RPS6KA2: variants seen among roughly 807,000 people sequenced by gnomAD.
RPS6KA2 encodes the protein ribosomal protein S6 kinase alpha-2.
A neutral mutation model predicts 91.8 loss-of-function variants in RPS6KA2; 42 were observed. That is an observed-to-expected ratio of 0.46 (90% CI 0.36 to 0.59). The LOEUF (loss-of-function observed/expected upper bound fraction) is 0.59. Among genes scored for constraint, RPS6KA2 ranks in the 20% least tolerant of loss-of-function variants. RPS6KA2 has a pLI of 0.00. For synonymous variants in RPS6KA2, 414 were observed against 393.6 expected, an observed-to-expected ratio of 1.05 and a Z score of -0.61; for missense variants, 798 against 978.5, an observed-to-expected ratio of 0.82 and a Z score of 2.46.
At chr6:166,676,113 T>C (rs979972608) in intron 2 of RPS6KA2, among the ~76,000 whole-genome samples, 2 of 152,108 alleles carry the variant, frequency 1.3e-5, no homozygotes, top group Non-Finnish European at 2.9e-5. Flanking sequence ...GGTCAGGCGT[T>C]GGAGACCAGC....
chr6:166,637,087 G>A (rs145087514), intron 2 of RPS6KA2, among the ~76,000 whole-genome samples: 116 of 152,324 alleles, frequency 7.6e-4, no homozygotes, highest in African/African-American at 2.6e-3. Context: ...CTCTGTTGTT[G>A]TAGCCCAGGC....
chr6:166,805,933 C>A (rs1314294077), intron 2 of RPS6KA2, among the ~76,000 whole-genome samples: 1 of 151,838 alleles, frequency 6.6e-6, no homozygotes, highest in Non-Finnish European at 1.5e-5. Flanking sequence ...CCAAAAGAAG[C>A]CAAAAATAAA....
chr6:166,622,783 A>G (rs905086463), intron 1 of RPS6KA2, among the ~76,000 whole-genome samples: 1 of 152,256 alleles, frequency 6.6e-6, no homozygotes, highest in Non-Finnish European at 1.5e-5. Flanking sequence ...ATAGAAATAA[A>G]TTGACAATTG....
intron 10 of RPS6KA2, among the ~76,000 whole-genome samples, chr6:166,471,917 G>A (rs1030337824): frequency 3.9e-5 from 6 of 152,204 alleles, no homozygotes; most frequent in Non-Finnish European, 7.3e-5. Context: ...CTTTGCAATC[G>A]CAGCAGCTGG....
At chr6:166,625,333 C>G (rs6916039) in intron 1 of RPS6KA2, among the ~76,000 whole-genome samples, 7 of 41,352 alleles carry the variant, frequency 1.7e-4, no homozygotes, top group Middle Eastern at 0.012. Flanking sequence ...ACCCCCCCAC[C>G]CCCCCCCCCG....
intron 2 of RPS6KA2, among the ~76,000 whole-genome samples, chr6:166,683,283 A>G (rs1788893522): frequency 6.6e-6 from 1 of 152,260 alleles, no homozygotes; most frequent in African/African-American, 2.4e-5. Flanking sequence ...TTTTAACTTT[A>G]TCAATTACAT....
At chr6:166,701,213 C>G in intron 2 of RPS6KA2, 1 of 1,612,104 alleles carries the variant, frequency 6.2e-7, no homozygotes, top group Non-Finnish European at 8.5e-7. Flanking sequence ...TAGAAGTGAC[C>G]AGTTATTTTG....
At position 166,423,144 on chromosome 6, in the gene RPS6KA2, G is replaced by A. The variant is rs1022172585; in HGVS notation, c.1743+112C>T. ...TCTGTTTCCCAACACCACTGCTGAC[G>A]CAGCTCAAGCCGCCTCTGACATCCC... is the stretch of plus-strand genomic sequence containing the variant. On this transcript the variant is annotated intron_variant, in intron 17 of 20. Coordinates refer to ENST00000265678, the MANE Select transcript of RPS6KA2 (RefSeq NM_021135.6). The surrounding 1 kb of genome is among the most constrained non-coding windows in gnomAD (Gnocchi z 4.8). 93 of 1,120,200 alleles carry A rather than the reference G, an allele frequency of 8.3e-5. No homozygotes were observed. The highest frequency in any genetic ancestry group is 6.0e-4 in the Middle Eastern group (2 of 3,344). The allele number at this position is 1,120,200 out of a possible 1,614,324, so 69.4% of individuals were successfully genotyped here. A position where few individuals can be genotyped will look rare whatever the true frequency, so the allele number is the denominator to read the frequency against.
In RPS6KA2 at chr6:166,595,272, G is replaced by A. The variant is rs1176658225; in HGVS notation, c.99+31649C>T. Among the ~76,000 whole-genome samples the A allele has an allele frequency of 7.2e-5, 11 of 152,182 alleles. No homozygotes were observed. In the South Asian group the frequency reaches 1.5e-3, roughly 20 times the overall value. On this transcript the variant is annotated intron_variant, in intron 1 of 20. Coordinates refer to ENST00000265678, the MANE Select transcript of RPS6KA2 (RefSeq NM_021135.6). ...TCGTCATGCTGGCCACGCTGGTCTC[G>A]AACTCCTGACCTCAAGTGATCTGCC...
chr6:166,745,319 T>C lies in RPS6KA2; in HGVS notation c.123+112881A>G, dbSNP rs575240664. ...GGTGTGTGCCACCATGCCTGGCTAA[T>C]TTTTGTATTTTTAGTAGAAATGGGG... On this transcript the variant is annotated intron_variant, in intron 2 of 21. Transcript: ENST00000503859. Among the ~76,000 whole-genome samples, 11 of 152,146 alleles carry C rather than the reference T, an allele frequency of 7.2e-5. 1 individual carries two copies. The South Asian group carries it at 2.3e-3, about 32-fold the overall frequency.
intron 1 of RPS6KA2, among the ~76,000 whole-genome samples, chr6:166,604,248 T>C (rs1244520175): frequency 6.6e-6 from 1 of 152,208 alleles, no homozygotes; most frequent in Non-Finnish European, 1.5e-5. Context: ...TCAGTGTTTG[T>C]AAGTTTCAGA....
intron 3 of RPS6KA2, among the ~76,000 whole-genome samples, chr6:166,512,367 G>T (rs1037071172): frequency 2.0e-5 from 3 of 152,148 alleles, no homozygotes; most frequent in African/African-American, 7.2e-5. Flanking sequence ...CAAAGATTTT[G>T]GGTATAACAT....
intron 2 of RPS6KA2, among the ~76,000 whole-genome samples, chr6:166,734,186 CT>C (rs1449697254): frequency 1.3e-5 from 2 of 152,204 alleles, no homozygotes; most frequent in Non-Finnish European, 2.9e-5. Context: ...CTGGCAGGAG[CT>C]TAGGATTCAT....
intron 10 of RPS6KA2, among the ~76,000 whole-genome samples, chr6:166,485,799 A>G (rs545867332): frequency 6.6e-6 from 1 of 152,224 alleles, no homozygotes; most frequent in Non-Finnish European, 1.5e-5. Context: ...TTCGGGACAC[A>G]GGGTGGGACA....
rs1021207013 is a variant in RPS6KA2 at position 166,635,186 on chromosome 6, T to G, written c.124-96402A>C. On this transcript the variant is annotated intron_variant, in intron 2 of 21. Coordinates refer to the RPS6KA2 transcript ENST00000503859. The surrounding 1 kb of genome is among the most constrained non-coding windows in gnomAD (Gnocchi z 4.8). ...CTTCTCTCCCACGTACACCTTGGCA[T>G]GAATGAGTTAGAGAACCACGGCAGG... is the stretch of plus-strand genomic sequence containing the variant. 6.6e-6 allele frequency among the ~76,000 whole-genome samples: 1 copy of G among 152,232 alleles called. No homozygotes were observed. The highest frequency in any genetic ancestry group is 1.5e-5 in the Non-Finnish European group (1 of 68,038).
At chr6:166,485,368 G>C (rs9295350) in intron 10 of RPS6KA2, among the ~76,000 whole-genome samples, 22,996 of 152,218 alleles carry the variant, frequency 0.15, 1,973 homozygotes, top group African/African-American at 0.22. Flanking sequence ...TTGCAAACTC[G>C]ATTCTAAGGC....
At chr6:166,470,911 C>T (rs117779288) in intron 10 of RPS6KA2, among the ~76,000 whole-genome samples, 53 of 152,294 alleles carry the variant, frequency 3.5e-4, no homozygotes, top group Non-Finnish European at 6.2e-4. Flanking sequence ...CAGGATGGGA[C>T]GGCCACAGAG....
chr6:166,705,483 C>T (rs944273408), intron 2 of RPS6KA2, among the ~76,000 whole-genome samples: 3 of 152,164 alleles, frequency 2.0e-5, no homozygotes, highest in African/African-American at 7.2e-5. Context: ...GGCTACATTA[C>T]AAAAACAACC....
At chr6:166,783,117 C>T (rs939437417) in intron 2 of RPS6KA2, among the ~76,000 whole-genome samples, 1 of 149,726 alleles carries the variant, frequency 6.7e-6, no homozygotes, top group East Asian at 2.0e-4. Context: ...GAGACAGGGC[C>T]TCTCTGTGTC....
Sources: gnomAD v4.1 joint callset for allele counts (sites outside exome capture counted in the v4.1 genomes callset) on GRCh38, gnomAD v4.1.1 for gene constraint, Gnocchi (gnomAD v3.1) non-coding constraint, MANE v1.5 for transcripts, NCBI Gene and HGNC (gene_info 2026-07-23, HGNC 2026-07-21) for gene names.